Variants in NCKAP5 observed in about 807,000 individuals in gnomAD.
NCKAP5 encodes nck-associated protein 5.
In NCKAP5, 92 loss-of-function variants were observed where a neutral mutation model predicts 167.0. The ratio of observed to expected loss-of-function variants is 0.55; its 90% confidence interval spans 0.47 to 0.66. The LOEUF (loss-of-function observed/expected upper bound fraction) is 0.66. Ranked by LOEUF, NCKAP5 falls within the 30% of genes least tolerant of loss-of-function variation. The probability of loss-of-function intolerance (pLI) is 0.00; values close to 1 mark genes in which losing one functional copy is unlikely to be tolerated. For synonymous variants in NCKAP5, 891 were observed against 877.4 expected, an observed-to-expected ratio of 1.02 and a Z score of -0.27; for missense variants, 2,378 against 2,315.0, an observed-to-expected ratio of 1.03 and a Z score of -0.56.
chr2:133,094,208 T>A (rs1009392568), intron 6 of NCKAP5, among the ~76,000 whole-genome samples: 14 of 152,232 alleles, frequency 9.2e-5, no homozygotes, highest in Admixed American at 2.6e-4. Context: ...ACTGTGAAAG[T>A]GAGGTGAATC....
At chr2:133,010,179 T>C (rs1302249600) in intron 6 of NCKAP5, among the ~76,000 whole-genome samples, 5 of 152,206 alleles carry the variant, frequency 3.3e-5, no homozygotes, top group Non-Finnish European at 5.9e-5. Flanking sequence ...AAAGGGAATT[T>C]TCAAACATAA....
At chr2:133,308,112 G>A (rs60689939) in intron 3 of NCKAP5, among the ~76,000 whole-genome samples, 1,367 of 121,688 alleles carry the variant, frequency 0.011, 15 homozygotes, top group African/African-American at 0.027. Flanking sequence ...TTTTTGAGAC[G>A]GAGTCTCGCT....
chr2:132,791,044 G>A (rs943089462), intron 12 of NCKAP5, among the ~76,000 whole-genome samples: 5 of 152,130 alleles, frequency 3.3e-5, no homozygotes, highest in Admixed American at 2.0e-4. Flanking sequence ...TCTGGATCCC[G>A]GGCTACCCAC....
intron 2 of NCKAP5, among the ~76,000 whole-genome samples, chr2:133,528,283 CT>C (rs1410775014): frequency 2.0e-5 from 3 of 151,584 alleles, no homozygotes; most frequent in Non-Finnish European, 2.9e-5. Flanking sequence ...GAATTTCCAC[CT>C]AGTTTTGAGC....
intron 6 of NCKAP5, among the ~76,000 whole-genome samples, chr2:133,049,544 CAAAAAAAAAAAAA>C (rs59494014): frequency 1.3e-5 from 1 of 78,298 alleles, no homozygotes; most frequent in Non-Finnish European, 2.5e-5. Flanking sequence ...GACTCTGTCT[CAAAAAAAAAAAAA>C]AAAAAAAAAA....
rs888498127 is a variant in NCKAP5, at chr2:133,056,800, T to C, written c.342-62561A>G. Among the ~76,000 whole-genome samples the C allele has an allele frequency of 3.9e-5, 6 of 152,340 alleles. No homozygotes were observed. The South Asian group carries it at 1.0e-3, about 26-fold the overall frequency. On this transcript the variant is annotated intron_variant, in intron 6 of 19. Coordinates refer to ENST00000409261, the MANE Select transcript of NCKAP5 (RefSeq NM_207363.3). ...CATTCAGGCAATTTTGTTTGAAAATTTTTGTCAATTACACTTAGATCTGTA... is the reference window on the plus strand; with the variant it reads ...CATTCAGGCAATTTTGTTTGAAAATCTTTGTCAATTACACTTAGATCTGTA...
At chr2:132,873,158 C>T (rs1690966911) in intron 9 of NCKAP5, among the ~76,000 whole-genome samples, 1 of 152,166 alleles carries the variant, frequency 6.6e-6, no homozygotes, top group South Asian at 2.1e-4. Context: ...GGCTGGAGTG[C>T]AGTAGCACGA....
At chr2:133,351,719 C>G (rs1305246897) in intron 3 of NCKAP5, among the ~76,000 whole-genome samples, 1 of 152,124 alleles carries the variant, frequency 6.6e-6, no homozygotes, top group Non-Finnish European at 1.5e-5. Flanking sequence ...CTCCTTGCAG[C>G]AATCCAGGCC....
intron 3 of NCKAP5, among the ~76,000 whole-genome samples, chr2:133,397,010 T>C (rs567458516): frequency 2.0e-5 from 3 of 152,292 alleles, no homozygotes; most frequent in Admixed American, 2.0e-4. Context: ...CTTCTGTAAA[T>C]ATGTAAGGAC....
At chr2:133,320,506 A>C (rs1681958319) in intron 3 of NCKAP5, among the ~76,000 whole-genome samples, 1 of 152,176 alleles carries the variant, frequency 6.6e-6, no homozygotes, top group South Asian at 2.1e-4. Flanking sequence ...AGGTGGGCAG[A>C]TCACGAGGTC....
At chr2:133,330,745 A>T (rs1682799741) in intron 3 of NCKAP5, among the ~76,000 whole-genome samples, 1 of 152,022 alleles carries the variant, frequency 6.6e-6, no homozygotes. Context: ...AAATTAAAAA[A>T]ATTAGCCAGT....
At chr2:132,979,926 A>G (rs755787061) in intron 7 of NCKAP5, among the ~76,000 whole-genome samples, 3 of 152,026 alleles carry the variant, frequency 2.0e-5, no homozygotes, top group African/African-American at 4.8e-5. Context: ...AAGCTTTCAC[A>G]TAGTGAGCAA....
chr2:133,360,898 T>C (rs564882032), intron 3 of NCKAP5, among the ~76,000 whole-genome samples: 20 of 151,274 alleles, frequency 1.3e-4, no homozygotes, highest in Admixed American at 1.1e-3. Context: ...GAATTTAGCT[T>C]CAGCAACTGG....
intron 3 of NCKAP5, among the ~76,000 whole-genome samples, chr2:133,428,818 T>C (rs1019472178): frequency 6.6e-5 from 10 of 152,118 alleles, no homozygotes; most frequent in African/African-American, 2.2e-4. Flanking sequence ...CAACTACAAA[T>C]TGAACAATAT....
At chr2:133,369,088 G>A (rs558564664) in intron 3 of NCKAP5, among the ~76,000 whole-genome samples, 1 of 143,840 alleles carries the variant, frequency 7.0e-6, no homozygotes, top group East Asian at 2.1e-4. Flanking sequence ...GTTTACAGAA[G>A]GCTTTGAAAC....
At chr2:132,860,029 T>C (rs1446734634) in intron 11 of NCKAP5, among the ~76,000 whole-genome samples, 1 of 152,174 alleles carries the variant, frequency 6.6e-6, no homozygotes, top group African/African-American at 2.4e-5. Flanking sequence ...GGAGACGTTC[T>C]GTTATAAGAA....
Position 133,291,320 on chromosome 2 carries a change from G to C in NCKAP5, c.143+11717C>G, listed in dbSNP as rs75096711. ...CAGTGTGATTGAGAGCAACATGCTG[G>C]GAACTGGTTTAGAGGCTCCTGGAGG... On this transcript the variant is annotated intron_variant, in intron 4 of 19. Transcript: ENST00000409261. 7.9e-3 allele frequency among the ~76,000 whole-genome samples: 1,199 copies of C among 152,292 alleles called. 14 individuals carry two copies. The highest frequency in any genetic ancestry group is 0.026 in the African/African-American group (1,087 of 41,552).
intron 19 of NCKAP5, among the ~76,000 whole-genome samples, chr2:132,715,745 T>A (rs933980929): frequency 1.3e-5 from 2 of 152,178 alleles, no homozygotes; most frequent in Non-Finnish European, 2.9e-5. Flanking sequence ...AGTCTGAAAG[T>A]CCCAGACAGG....
intron 3 of NCKAP5, among the ~76,000 whole-genome samples, chr2:133,515,781 G>T (rs973607915): frequency 2.0e-5 from 3 of 152,172 alleles, no homozygotes. Flanking sequence ...GATCCCCATT[G>T]GGGGTTACTC....
Sources: allele counts gnomAD v4.1 joint callset (sites outside exome capture counted in the v4.1 genomes callset), GRCh38; gene constraint gnomAD v4.1.1; transcripts MANE v1.5; gene names NCBI Gene and HGNC (gene_info 2026-07-23, HGNC 2026-07-21).